Variants in CLCN5 observed in about 807,000 individuals in gnomAD.
CLCN5 encodes H(+)/Cl(-) exchange transporter 5.
In CLCN5, 17 loss-of-function variants were observed where a neutral mutation model predicts 54.0. The observed-to-expected ratio is 0.31, with a 90% CI of 0.22 to 0.47. The LOEUF (loss-of-function observed/expected upper bound fraction) is 0.47. CLCN5 is among the 20% of genes least tolerant of loss of function. CLCN5 has a pLI of 1.00. For missense variants in CLCN5, 448 were observed against 646.7 expected (o/e 0.69, Z 3.33); for synonymous variants, 222 against 233.0 (o/e 0.95, Z 0.43).
intron 12 of CLCN5, 82 bp from the exon 13 acceptor site, chrX:50,090,034 G>A (rs929052818): frequency 1.9e-6 from 2 of 1,058,152 alleles, no homozygotes; most frequent in Non-Finnish European, 2.6e-6. Context: ...TTTTTGGTAG[G>A]TCAGCTTTTC....
chrX:50,090,100 GTC>G lies in CLCN5; in HGVS notation c.1745-14_1745-13del. On this transcript the variant is annotated splice_polypyrimidine_tract_variant and intron_variant, in intron 12 of 14. Transcript: ENST00000376091. ...TATTTTGCCTACCTGAGTAGACTGT[GTC>G]TATTTCTTTGCAGGTGGGGTGACTC... 8.3e-7 allele frequency: 1 copy of G among 1,208,867 alleles called. No individual in the cohort carries two copies. Among genetic ancestry groups the G allele is most frequent in the Non-Finnish European group, 1.1e-6 (1 of 893,383 alleles).
At chrX:49,939,323 A>C (rs1237025330) in intron 3 of CLCN5, among the ~76,000 whole-genome samples, 1 of 110,529 alleles carries the variant, frequency 9.0e-6, no homozygotes, top group Non-Finnish European at 1.9e-5. Context: ...ATGCTGCTAT[A>C]AAGACACATG....
At chrX:50,005,035 T>G (rs1426589693) in intron 3 of CLCN5, among the ~76,000 whole-genome samples, 2 of 112,470 alleles carry the variant, frequency 1.8e-5, no homozygotes, top group African/African-American at 3.2e-5. Flanking sequence ...ATTTGGTTGA[T>G]ATGTATCTTA....
intron 3 of CLCN5, among the ~76,000 whole-genome samples, chrX:50,031,462 T>G (rs1213903556): frequency 1.8e-5 from 2 of 111,333 alleles, no homozygotes; most frequent in African/African-American, 6.6e-5. Context: ...TGTGAGTTAT[T>G]GAGACCCTTT....
At chrX:50,063,776 C>A (rs1395411860) in intron 4 of CLCN5, among the ~76,000 whole-genome samples, 2 of 110,704 alleles carry the variant, frequency 1.8e-5, no homozygotes, top group Admixed American at 1.9e-4. Context: ...TACTGGCAAA[C>A]CGAATCCAGC....
chrX:50,070,536 A>G (rs1312553598), intron 5 of CLCN5, among the ~76,000 whole-genome samples: 1 of 111,960 alleles, frequency 8.9e-6, no homozygotes, highest in Admixed American at 9.5e-5. Context: ...GTTTTCTGTT[A>G]AAGGAATAAA....
chrX:49,972,410 A>G (rs1261377541), intron 3 of CLCN5, among the ~76,000 whole-genome samples: 1 of 111,412 alleles, frequency 9.0e-6, no homozygotes, highest in Non-Finnish European at 1.9e-5. Flanking sequence ...ACAATGGTAC[A>G]TACATGGGAG....
chrX:50,060,072 G>A (rs781821613), intron 4 of CLCN5, among the ~76,000 whole-genome samples: 1 of 107,529 alleles, frequency 9.3e-6, no homozygotes, highest in African/African-American at 3.4e-5. Flanking sequence ...GGCTTTAGAG[G>A]TTAGGCACAT....
At chrX:49,998,021 CT>C (rs1224572338) in intron 3 of CLCN5, among the ~76,000 whole-genome samples, 10 of 110,830 alleles carry the variant, frequency 9.0e-5, no homozygotes, top group Admixed American at 4.8e-4. Flanking sequence ...TGATATTTCC[CT>C]AGAGAGGCCC....
At chrX:49,943,502 C>A (rs1315469430) in intron 3 of CLCN5, among the ~76,000 whole-genome samples, 1 of 102,086 alleles carries the variant, frequency 9.8e-6, no homozygotes, top group Non-Finnish European at 2.0e-5. Context: ...AATGGTATTG[C>A]CTAGGTTTTC....
At chrX:49,984,210 T>C (rs1557178012) in intron 3 of CLCN5, among the ~76,000 whole-genome samples, 1 of 112,303 alleles carries the variant, frequency 8.9e-6, no homozygotes, top group Non-Finnish European at 1.9e-5. Flanking sequence ...TTTTACTGTT[T>C]TTCTTATGAA....
chrX:49,927,621 A>C lies in CLCN5; in HGVS notation c.16+2307A>C, dbSNP rs1925416110. On this transcript the variant is annotated intron_variant, in intron 3 of 14. Transcript: ENST00000376091. ...CTGTGTGGAAGTTTTCTCCTTTACA[A>C]AATGGAGATAGTAATATAACTCATC... Among the ~76,000 whole-genome samples, 7 of 112,104 alleles carry C rather than the reference A, an allele frequency of 6.2e-5. No individual in the cohort carries two copies. The South Asian group carries it at 2.6e-3, about 42-fold the overall frequency.
At chrX:49,959,532 TTGA>T (rs782394842) in intron 3 of CLCN5, among the ~76,000 whole-genome samples, 1 of 112,219 alleles carries the variant, frequency 8.9e-6, no homozygotes, top group Non-Finnish European at 1.9e-5. Flanking sequence ...ACTCTTTCCC[TTGA>T]TGACACTGTT....
chrX:49,980,352 T>C (rs1347982737), intron 3 of CLCN5, among the ~76,000 whole-genome samples: 1 of 111,621 alleles, frequency 9.0e-6, no homozygotes, highest in African/African-American at 3.2e-5. Context: ...CAAGGAAGTA[T>C]ACAAAAACTA....
In CLCN5 at chrX:50,074,019, A is replaced by T. The variant is rs1234264434; in HGVS notation, c.415+1431A>T. 2.7e-5 allele frequency among the ~76,000 whole-genome samples: 3 copies of T among 111,689 alleles called. No homozygotes were observed. In the East Asian group the frequency reaches 8.4e-4, roughly 31 times the overall value. On this transcript the variant is annotated intron_variant, in intron 6 of 14. Coordinates refer to ENST00000376091, the MANE Select transcript of CLCN5 (RefSeq NM_001127898.4). ...CTAATAATAGACTGGGTGGTCTGTAATGCTAAGTATTGCAGAGAGGCTGAG... is the reference window on the plus strand; with the variant it reads ...CTAATAATAGACTGGGTGGTCTGTATTGCTAAGTATTGCAGAGAGGCTGAG...
chrX:50,045,351 A>T (rs183583333), intron 4 of CLCN5, among the ~76,000 whole-genome samples: 40 of 112,036 alleles, frequency 3.6e-4, no homozygotes, highest in East Asian at 3.4e-3. Context: ...ATGTGTAGTT[A>T]TAACCATACT....
intron 3 of CLCN5, among the ~76,000 whole-genome samples, chrX:50,004,687 A>G (rs1406536552): frequency 8.9e-6 from 1 of 111,739 alleles, no homozygotes; most frequent in Admixed American, 9.5e-5. Flanking sequence ...AGGTAGGCAG[A>G]TCACCTGAGG....
chrX:49,935,004 G>A (rs1265422342), intron 3 of CLCN5, among the ~76,000 whole-genome samples: 1 of 111,776 alleles, frequency 8.9e-6, no homozygotes, highest in Non-Finnish European at 1.9e-5. Flanking sequence ...TTTGAGAATG[G>A]TGAGAGACAG....
chrX:50,006,014 T>TA (rs1930132392), intron 3 of CLCN5, among the ~76,000 whole-genome samples: 1 of 112,254 alleles, frequency 8.9e-6, no homozygotes, highest in Admixed American at 9.4e-5. Flanking sequence ...AAATCAGGAT[T>TA]ACAGTTTTCT....
Sources: gnomAD v4.1 joint callset for allele counts (sites outside exome capture counted in the v4.1 genomes callset) on GRCh38, gnomAD v4.1.1 for gene constraint, MANE v1.5 for transcripts, NCBI Gene and HGNC (gene_info 2026-07-23, HGNC 2026-07-21) for gene names.